NAPRT: variants seen among roughly 807,000 people sequenced by gnomAD.
NAPRT encodes the protein nicotinate phosphoribosyltransferase, also known as FHA-HIT-interacting protein.
A neutral mutation model predicts 60.7 loss-of-function variants in NAPRT; 66 were observed. The ratio of observed to expected loss-of-function variants is 1.09; its 90% CI spans 0.89 to 1.33. The LOEUF is 1.33. Ranked by LOEUF, NAPRT falls within the 40% of genes most tolerant of loss-of-function variation. The pLI is 0.00. For synonymous variants in NAPRT, 405 were observed against 335.7 expected (o/e 1.21, Z -2.26); for missense variants, 818 against 731.5 (o/e 1.12, Z -1.36).
At chr8:143,577,588 C>T in intron 3 of NAPRT, 69 bp downstream of exon 3, 1 of 1,521,870 alleles carries the variant, frequency 6.6e-7, no homozygotes, top group South Asian at 1.2e-5. Flanking sequence ...CCGCCACAGT[C>T]CAGCACGGAG....
chr8:143,574,689 C>T (rs971764372), downstream of NAPRT: 9 of 895,944 alleles, frequency 1.0e-5, no homozygotes, highest in South Asian at 1.2e-4. Flanking sequence ...CTTCCTGCTA[C>T]CTCGAGCTCA....
At chr8:143,575,114 A>G in intron 11 of NAPRT, 21 bp from the exon 12 acceptor site, 1 of 1,546,886 alleles carries the variant, frequency 6.5e-7, no homozygotes, top group Non-Finnish European at 8.7e-7. Flanking sequence ...GAGGTAAGGA[A>G]AGAGAAGCTT....
At position 143,575,011 on chromosome 8, in the gene NAPRT, C is replaced by T. The variant is rs773434149; in HGVS notation, c.1529G>A (p.Arg510Gln). 163 of 1,521,330 alleles carry T rather than the reference C, an allele frequency of 1.1e-4. No homozygotes were observed. The highest frequency in any genetic ancestry group is 1.3e-4 in the Non-Finnish European group (144 of 1,130,318). 94.2% of individuals were successfully genotyped at this position (1,521,330 alleles called of 1,614,324 possible). A position where few individuals can be genotyped will look rare whatever the true frequency, so the allele number is the denominator to read the frequency against. ...CTGGTACTGTGCAGGGCTCCGCAGC[C>T]GCCTGTGCTCAGGGCTGAGTCGGCT... The part of the protein sequence containing the change: ...SLSRLSPEHR[R>Q]LRSPAQYQVV... The change falls in exon 12 of 13, where the codon CGG becomes CAG. Residue 510 changes from arginine to glutamine, a missense_variant. By Grantham distance (43) the Arg-to-Gln change is conservative (BLOSUM62 1). Coordinates refer to ENST00000449291, the MANE Select transcript of NAPRT (RefSeq NM_145201.6).
At position 143,575,415 on chromosome 8, in the gene NAPRT, G is replaced by A. The variant is rs1824364183; in HGVS notation, c.1291+8C>T. On this transcript the variant is annotated splice_region_variant and intron_variant, in intron 10 of 12. Coordinates refer to ENST00000449291, the MANE Select transcript of NAPRT (RefSeq NM_145201.6). Reference sequence around the variant, plus strand: ...AGGTGGACAGCAGGGGGGATGGGAGGGCCTCACCGTCAGAGCCCAGGAGCC... The same window carrying A: ...AGGTGGACAGCAGGGGGGATGGGAGAGCCTCACCGTCAGAGCCCAGGAGCC... 1.9e-6 allele frequency: 3 copies of A among 1,592,374 alleles called. No homozygotes were observed. Among genetic ancestry groups the A allele is most frequent in the Non-Finnish European group, 2.6e-6 (3 of 1,163,102 alleles).
chr8:143,577,009 G>T, intron 5 of NAPRT, 53 bp downstream of exon 5: 1 of 1,576,814 alleles, frequency 6.3e-7, no homozygotes, highest in Non-Finnish European at 8.7e-7. Flanking sequence ...CAGGGCAAGG[G>T]CTGGCTTGGG....
Position 143,575,837 on chromosome 8 carries a change from G to A in NAPRT, c.1108-135C>T, listed in dbSNP as rs551195245. 2.4e-4 allele frequency: 108 copies of A among 451,314 alleles called. 3 individuals carry two copies. Among genetic ancestry groups the A allele is most frequent in the South Asian group, 2.2e-3 (81 of 36,902 alleles). 28.0% of individuals were successfully genotyped at this position (451,314 alleles called of 1,614,324 possible). ...GGCAGTGCCCTGGGTGGGGAAGGAGGTGCCAGTGCCCTAGGTGGGGAAGGA... is the reference window on the plus strand; with the variant it reads ...GGCAGTGCCCTGGGTGGGGAAGGAGATGCCAGTGCCCTAGGTGGGGAAGGA... On this transcript the variant is annotated intron_variant, in intron 8 of 12. Transcript: ENST00000449291.
chr8:143,575,191 C>G lies in NAPRT; in HGVS notation c.1446G>C (p.Gln482His). 2 of 1,606,776 alleles carry G rather than the reference C, an allele frequency of 1.2e-6. No individual in the cohort carries two copies. Among genetic ancestry groups the G allele is most frequent in the Non-Finnish European group, 1.7e-6 (2 of 1,177,092 alleles). The part of the protein sequence containing the change: ...PLLRLCLQQG[Q>H]LCEPLPSLAE... ...AGGATGAGGGCGGTGGGGCAGCCAC[C>G]TGTCCCTGCTGGAGGCAGAGCCGCA... Residue 482 changes from glutamine (Q) to histidine (H), a missense_variant and splice_region_variant, in exon 11 of 13, where the codon CAG becomes CAC. Gln to His is a conservative substitution (Grantham distance 24). Transcript: ENST00000449291.
rs1459360911 is a variant in NAPRT, at chr8:143,576,262, T to C, written c.1023-100A>G. The C allele has an allele frequency of 3.6e-6, 5 of 1,381,392 alleles. No individual in the cohort carries two copies. In the Admixed American group the frequency reaches 1.2e-4, roughly 33 times the overall value. 85.6% of individuals were successfully genotyped at this position (1,381,392 alleles called of 1,614,324 possible). On this transcript the variant is annotated intron_variant, in intron 7 of 12. Coordinates refer to ENST00000449291, the MANE Select transcript of NAPRT (RefSeq NM_145201.6). ...CCGCCCCGCCTCAGTCAAGGACACC[T>C]GTGCTCACCTTCTGCTTGGGAGCTC... is the stretch of plus-strand genomic sequence containing the variant.
In NAPRT at chr8:143,578,299, G is replaced by A. The variant is rs762110533; in HGVS notation, c.20C>T (p.Pro7Leu). 4.7e-5 allele frequency: 66 copies of A among 1,397,692 alleles called. No individual in the cohort carries two copies. In the South Asian group the frequency reaches 7.3e-4, roughly 15 times the overall value. The allele number at this position is 1,397,692 out of a possible 1,614,324, so 86.6% of individuals were successfully genotyped here. ...CGGCCGCGCCGCCGCGCGCGCCTCGGGGTCCTGCTCCGCCGCCATCCTGCT... is the reference window on the plus strand; with the variant it reads ...CGGCCGCGCCGCCGCGCGCGCCTCGAGGTCCTGCTCCGCCGCCATCCTGCT... MAAEQD[P>L]EARAAARPLL... is the part of the protein sequence containing the mutation. The change falls in exon 1 of 13, where the codon CCC becomes CTC. Residue 7 changes from proline to leucine, a missense_variant. Physicochemically the swap from Pro to Leu is moderately conservative, Grantham distance 98 (BLOSUM62 -3). Transcript: ENST00000449291.
downstream of NAPRT, chr8:143,573,006 G>A (rs1563924499): frequency 2.3e-6 from 1 of 440,518 alleles, no homozygotes; most frequent in Non-Finnish European, 4.0e-6. Flanking sequence ...CACGAAGAAA[G>A]GGGGAGAAGG....
chr8:143,577,877 G>T lies in NAPRT; in HGVS notation c.293C>A (p.Ala98Asp). The change falls in exon 2 of 13, where the codon GCC becomes GAC. Residue 98 changes from alanine to aspartate, a missense_variant. Coordinates refer to ENST00000449291, the MANE Select transcript of NAPRT (RefSeq NM_145201.6). Reference sequence around the variant, plus strand: ...CACCGTCACCTCGGAGCAGTCGAGGGCCCGAAGGTGCTCGAAGAACGCAGG... The same window carrying T: ...CACCGTCACCTCGGAGCAGTCGAGGTCCCGAAGGTGCTCGAAGAACGCAGG... ...TDPAFFEHLR[A>D]LDCSEVTVRA... 1 of 1,612,304 alleles carries T rather than the reference G, an allele frequency of 6.2e-7. No individual in the cohort carries two copies.
In NAPRT at chr8:143,576,654, G is replaced by A. The variant is rs761692785; in HGVS notation, c.873C>T (p.Ser291=). 50 of 1,610,360 alleles carry A rather than the reference G, an allele frequency of 3.1e-5. No homozygotes were observed. The highest frequency in any genetic ancestry group is 4.2e-5 in the Non-Finnish European group (49 of 1,178,774). ...RAFQGLLDTY[S]VWRSGLPNFL... ...AAAGTGCCCGGGCTCACCTCCACAC[G>A]CTGTAGGTGTCCAGGAGGCCCTGGA... Residue 291 remains serine (S), a synonymous_variant, in exon 6 of 13, where the codon AGC becomes AGT. Coordinates refer to ENST00000449291, the MANE Select transcript of NAPRT (RefSeq NM_145201.6).
rs188697057 is a variant in NAPRT, at chr8:143,576,486, T to C, written c.968A>G (p.Asp323Gly). The part of the protein sequence containing the change: ...RAVGVRLDSG[D>G]LLQQAQEIRK... ...GATCTCCTGAGCCTGCTGTAGCAGG[T>C]CACCACTGTCCAGCCTCACGCCCAC... Residue 323 changes from aspartate to glycine, a missense_variant, in exon 7 of 13, where the codon GAC becomes GGC. Coordinates refer to ENST00000449291, the MANE Select transcript of NAPRT (RefSeq NM_145201.6). 6.2e-7 allele frequency: 1 copy of C among 1,612,514 alleles called. No individual in the cohort carries two copies. Among genetic ancestry groups the C allele is most frequent in the East Asian group, 2.2e-5 (1 of 44,858 alleles).
rs1343845728 is a variant in NAPRT, at chr8:143,575,283, G to GCTC, written c.1351_1353dup (p.Glu451dup). On this transcript the variant is annotated inframe_insertion, in exon 11 of 13. Coordinates refer to ENST00000449291, the MANE Select transcript of NAPRT (RefSeq NM_145201.6). ...TGGGCCCCTGGAGGCCACACCCTCA[G>GCTC]CTCCTGCCCAGCCTGTGGCACTGGC... 6.2e-7 allele frequency: 1 copy of GCTC among 1,612,454 alleles called. No individual in the cohort carries two copies. Among genetic ancestry groups the GCTC allele is most frequent in the East Asian group, 2.2e-5 (1 of 44,892 alleles).
chr8:143,574,625 G>A, downstream of NAPRT: 1 of 654,936 alleles, frequency 1.5e-6, no homozygotes. Context: ...TCGGGCTTCA[G>A]CACAGGGCTG....
downstream of NAPRT, among the ~76,000 whole-genome samples, chr8:143,573,292 G>A (rs1408162775): frequency 2.0e-5 from 3 of 152,322 alleles, no homozygotes; most frequent in Non-Finnish European, 2.9e-5. Flanking sequence ...GTGTGGAGGG[G>A]GCAGTGAAGA....
chr8:143,575,966 G>A lies in NAPRT; in HGVS notation c.1107+112C>T, dbSNP rs1824426275. On this transcript the variant is annotated intron_variant, in intron 8 of 12. Coordinates refer to ENST00000449291, the MANE Select transcript of NAPRT (RefSeq NM_145201.6). ...AGGTGGCAGTGCCCTGGGTGGGGAA[G>A]GGGGTGGCAGTGCCCTGGGCGGGGA... The A allele has an allele frequency of 7.9e-6, 7 of 891,648 alleles. No homozygotes were observed. The South Asian group carries it at 1.2e-4, about 16-fold the overall frequency. The allele number at this position is 891,648 out of a possible 1,614,324, so 55.2% of individuals were successfully genotyped here. A position where few individuals can be genotyped will look rare whatever the true frequency, so the allele number is the denominator to read the frequency against.
Position 143,577,817 on chromosome 8 carries a change from C to T in NAPRT, c.353G>A (p.Gly118Glu), listed in dbSNP as rs1400109541. 4 of 1,606,646 alleles carry T rather than the reference C, an allele frequency of 2.5e-6. No individual in the cohort carries two copies. The highest frequency in any genetic ancestry group is 2.2e-5 in the East Asian group (1 of 44,674). ...CGCCGCCCGCTTACCCCTACTCACTCCGGGGAAGGCGAGGGAGCCCTCGGG... is the reference window on the plus strand; with the variant it reads ...CGCCGCCCGCTTACCCCTACTCACTTCGGGGAAGGCGAGGGAGCCCTCGGG... ...ALPEGSLAFP[G>E]VPLLQVSGPL... Residue 118 changes from glycine (G) to glutamate (E), a missense_variant and splice_region_variant, in exon 2 of 13, where the codon GGA becomes GAA. By Grantham distance (98) the Gly-to-Glu change is moderately conservative. Coordinates refer to ENST00000449291, the MANE Select transcript of NAPRT (RefSeq NM_145201.6).
intron 8 of NAPRT, 148 bp from the exon 9 acceptor site, chr8:143,575,850 A>C: frequency 5.5e-6 from 1 of 182,750 alleles, no homozygotes. Flanking sequence ...CCAGTGCCCT[A>C]GGTGGGGAAG....
Sources: gnomAD v4.1 joint callset for allele counts (sites outside exome capture counted in the v4.1 genomes callset) on GRCh38, gnomAD v4.1.1 for gene constraint, MANE v1.5 for transcripts, NCBI Gene and HGNC (gene_info 2026-07-23, HGNC 2026-07-21) for gene names.